Variants in VWA8 observed in about 807,000 individuals in gnomAD.
VWA8 encodes von Willebrand factor A domain-containing protein 8.
Under a neutral mutation model 241.5 loss-of-function variants are expected in VWA8, and 221 were observed. The ratio of observed to expected loss-of-function variants is 0.91; its 90% confidence interval spans 0.82 to 1.02. The LOEUF is 1.02. VWA8 is among the 50% of genes least tolerant of loss of function. The probability of loss-of-function intolerance (pLI) is 0.00; values close to 1 mark genes in which losing one functional copy is unlikely to be tolerated. For missense variants in VWA8, 2,322 were observed against 2,328.7 expected, an observed-to-expected ratio of 1.00 and a Z score of 0.06; for synonymous variants, 852 against 827.1, an observed-to-expected ratio of 1.03 and a Z score of -0.52.
intron 2 of VWA8, among the ~76,000 whole-genome samples, chr13:41,942,086 C>G (rs913598605): frequency 5.3e-5 from 8 of 152,122 alleles, no homozygotes; most frequent in South Asian, 2.1e-4. Flanking sequence ...TTATCATGTG[C>G]CCATGGCATG....
At chr13:41,654,238 A>G (rs372560961) in intron 37 of VWA8, among the ~76,000 whole-genome samples, 9 of 152,352 alleles carry the variant, frequency 5.9e-5, no homozygotes, top group African/African-American at 1.9e-4. Flanking sequence ...AGTTTGATGA[A>G]ACAAGATTCA....
At position 41,761,202 on chromosome 13, in the gene VWA8, A is replaced by G; in HGVS notation, c.2352T>C (p.Gly784=). The change falls in exon 21 of 45, where the codon GGT becomes GGC. Residue 784 remains glycine (G), a splice_region_variant and synonymous_variant. Coordinates refer to ENST00000379310, the MANE Select transcript of VWA8 (RefSeq NM_015058.2). ...TGTCAACAATCTTGTTTTTTCCTAC[A>G]CCCTGTAATTACACAGAAAACATTA... ...GEHLLLVGNQ[G]VGKNKIVDRF... 6.2e-7 allele frequency: 1 copy of G among 1,610,818 alleles called. No homozygotes were observed. Among genetic ancestry groups the G allele is most frequent in the African/African-American group, 1.3e-5 (1 of 74,772 alleles).
At chr13:41,699,346 G>C (rs2045235532) in intron 28 of VWA8, 76 bp from the exon 29 acceptor site, 1 of 1,342,558 alleles carries the variant, frequency 7.4e-7, no homozygotes, top group Non-Finnish European at 1.1e-6. Context: ...AGTGAAAACT[G>C]AATCATGAAT....
chr13:41,671,257 C>A, intron 36 of VWA8, 110 bp from the exon 37 acceptor site: 1 of 1,192,720 alleles, frequency 8.4e-7, no homozygotes, highest in South Asian at 1.4e-5. Flanking sequence ...TCACACTACT[C>A]ATTATTTTAT....
chr13:41,729,820 C>CAT (rs2045468094), intron 22 of VWA8, 143 bp from the exon 23 acceptor site: 3 of 574,304 alleles, frequency 5.2e-6, no homozygotes, highest in Non-Finnish European at 8.3e-6. Flanking sequence ...CACACACACA[C>CAT]ACACACACAC....
chr13:41,885,275 C>T (rs1231708495), intron 8 of VWA8, among the ~76,000 whole-genome samples: 20 of 152,216 alleles, frequency 1.3e-4, no homozygotes, highest in Admixed American at 8.5e-4. Context: ...TGTGATTAAA[C>T]ACATTTGCCT....
intron 12 of VWA8, among the ~76,000 whole-genome samples, chr13:41,843,597 G>C (rs574540790): frequency 3.9e-5 from 6 of 151,906 alleles, no homozygotes; most frequent in African/African-American, 1.4e-4. Flanking sequence ...GACCACTAGC[G>C]AAATTAATAA....
At chr13:41,805,386 A>G (rs1279525816) in intron 17 of VWA8, among the ~76,000 whole-genome samples, 2 of 152,254 alleles carry the variant, frequency 1.3e-5, no homozygotes, top group Non-Finnish European at 2.9e-5. Context: ...TTAAATATAT[A>G]TGCACCCAAT....
intron 21 of VWA8, among the ~76,000 whole-genome samples, chr13:41,749,559 T>C (rs989803236): frequency 7.0e-6 from 1 of 142,660 alleles, no homozygotes; most frequent in Non-Finnish European, 1.5e-5. Context: ...TGCACACGTA[T>C]GTTTACTGCG....
At chr13:41,876,495 C>G (rs539053221) in intron 9 of VWA8, among the ~76,000 whole-genome samples, 8 of 152,218 alleles carry the variant, frequency 5.3e-5, no homozygotes, top group Admixed American at 5.2e-4. Flanking sequence ...TTTCTACCCA[C>G]AGGACTTCTC....
chr13:41,788,261 T>C (rs753734184), intron 17 of VWA8, among the ~76,000 whole-genome samples: 1 of 152,220 alleles, frequency 6.6e-6, no homozygotes, highest in East Asian at 1.9e-4. Context: ...TTAACCACTA[T>C]GTGATATAAC....
Position 41,961,089 on chromosome 13 carries a change from C to T in VWA8, c.-74G>A, listed in dbSNP as rs1566053555. The T allele has an allele frequency of 1.2e-5, 16 of 1,297,324 alleles. No individual in the cohort carries two copies. Among genetic ancestry groups the T allele is most frequent in the Non-Finnish European group, 1.6e-5 (16 of 1,011,082 alleles). The allele number at this position is 1,297,324 out of a possible 1,614,324, so 80.4% of individuals were successfully genotyped here. A position where few individuals can be genotyped will look rare whatever the true frequency, so the allele number is the denominator to read the frequency against. On this transcript the variant is annotated 5_prime_UTR_variant, in exon 1 of 45. Coordinates refer to ENST00000379310, the MANE Select transcript of VWA8 (RefSeq NM_015058.2). Reference sequence around the variant, plus strand: ...GGCGTCCCGTGCAGGCACCGTGAGGCAGCGCGGAGAAGGGGACAGGAAGCG... The same window carrying T: ...GGCGTCCCGTGCAGGCACCGTGAGGTAGCGCGGAGAAGGGGACAGGAAGCG...
intron 39 of VWA8, among the ~76,000 whole-genome samples, chr13:41,608,127 T>G (rs2044564315): frequency 6.6e-6 from 1 of 152,150 alleles, no homozygotes; most frequent in Admixed American, 6.5e-5. Flanking sequence ...CAGACTGATC[T>G]TTGCAGAGTG....
At chr13:41,630,457 C>G (rs111322145) in intron 37 of VWA8, among the ~76,000 whole-genome samples, 5 of 151,934 alleles carry the variant, frequency 3.3e-5, no homozygotes, top group African/African-American at 1.2e-4. Context: ...CTCGTAGAGG[C>G]TTAAGAATAT....
At chr13:41,754,487 G>A (rs1179161132) in intron 21 of VWA8, among the ~76,000 whole-genome samples, 1 of 152,090 alleles carries the variant, frequency 6.6e-6, no homozygotes, top group African/African-American at 2.4e-5. Context: ...ATTAGTAGGT[G>A]TGTATATTTA....
In VWA8 at chr13:41,816,706, C is replaced by T. The variant is rs1870710305; in HGVS notation, c.1939G>A (p.Asp647Asn). The change falls in exon 16 of 45, where the codon GAT becomes AAT. Residue 647 changes from aspartate to asparagine, a missense_variant. By Grantham distance (23) the Asp-to-Asn change is conservative. Transcript: ENST00000379310. ...SFTHKLRETQ[D>N]PTAQSLAASL... ...AAAAAGCCTAGACTTACCGTTGGAT[C>T]CTGTGTTTCTCTGAGTTTGTGTGTA... The T allele has an allele frequency of 1.9e-6, 3 of 1,613,352 alleles. No homozygotes were observed. The highest frequency in any genetic ancestry group is 2.5e-6 in the Non-Finnish European group (3 of 1,179,596).
At chr13:41,691,815 G>A in intron 31 of VWA8, 59 bp downstream of exon 31, 1 of 1,295,952 alleles carries the variant, frequency 7.7e-7, no homozygotes, top group Non-Finnish European at 1.1e-6. Flanking sequence ...AATCAAAATA[G>A]GAAATAGAAT....
rs1876632166 is a variant in VWA8, at chr13:41,923,009, A to T, written c.242-10841T>A. On this transcript the variant is annotated intron_variant, in intron 2 of 44. Coordinates refer to ENST00000379310, the MANE Select transcript of VWA8 (RefSeq NM_015058.2). ...ATGTATGTTTACTGCGGCATTATTC[A>T]CAATAGCAAAGACTTGGAACCAACC... 2.0e-5 allele frequency among the ~76,000 whole-genome samples: 3 copies of T among 152,358 alleles called. No homozygotes were observed. The South Asian group carries it at 6.2e-4, about 32-fold the overall frequency.
At chr13:41,763,545 T>C (rs2045757809) in intron 20 of VWA8, among the ~76,000 whole-genome samples, 1 of 152,108 alleles carries the variant, frequency 6.6e-6, no homozygotes, top group South Asian at 2.1e-4. Context: ...AGGAGGAAAA[T>C]AACATTTGCA....
Sources: gnomAD v4.1 joint callset for allele counts (sites outside exome capture counted in the v4.1 genomes callset) on GRCh38, gnomAD v4.1.1 for gene constraint, MANE v1.5 for transcripts, NCBI Gene and HGNC (gene_info 2026-07-23, HGNC 2026-07-21) for gene names.